The following TMEM266 variants were observed in gnomAD, a reference collection of about 807,000 sequenced individuals.
The protein encoded by TMEM266 is transmembrane protein 266.
TMEM266 carries 33 observed loss-of-function variants against 50.5 expected under a neutral mutation model. The observed-to-expected ratio is 0.65, with a 90% confidence interval of 0.50 to 0.87. The LOEUF (loss-of-function observed/expected upper bound fraction) is 0.87, where lower values mean the gene tolerates loss of function less well. TMEM266 is among the 40% of genes least tolerant of loss of function. TMEM266 has a pLI of 0.00. For missense variants in TMEM266, 655 were observed against 695.1 expected, an observed-to-expected ratio of 0.94 and a Z score of 0.65; for synonymous variants, 310 against 292.3, an observed-to-expected ratio of 1.06 and a Z score of -0.62.
intron 8 of TMEM266, among the ~76,000 whole-genome samples, chr15:76,190,003 G>A (rs2038543676): frequency 6.6e-6 from 1 of 152,196 alleles, no homozygotes. Context: ...GTTGCTGCCT[G>A]GCCACCCTGT....
intron 1 of TMEM266, among the ~76,000 whole-genome samples, chr15:76,108,098 A>G (rs1435762175): frequency 6.6e-6 from 1 of 152,234 alleles, no homozygotes; most frequent in African/African-American, 2.4e-5. Context: ...CTGCACAAAC[A>G]AGCAAAGCTC....
intron 8 of TMEM266, among the ~76,000 whole-genome samples, chr15:76,189,598 G>A (rs1416339762): frequency 6.6e-6 from 1 of 152,194 alleles, no homozygotes; most frequent in African/African-American, 2.4e-5. Context: ...TGGGAGGAAG[G>A]GGGTGTAGTG....
chr15:76,194,757 A>G (rs1005879873), intron 9 of TMEM266, among the ~76,000 whole-genome samples: 12 of 152,152 alleles, frequency 7.9e-5, no homozygotes, highest in Non-Finnish European at 1.5e-4. Context: ...CTCTCTATGC[A>G]CATGTCTGGG....
At position 76,073,384 on chromosome 15, in the gene TMEM266, C is replaced by T. The variant is rs147812210; in HGVS notation, c.-97+13368C>T. Among the ~76,000 whole-genome samples, 315 of 151,564 alleles carry T rather than the reference C, an allele frequency of 2.1e-3. 3 individuals are homozygous for T. Among genetic ancestry groups the T allele is most frequent in the African/African-American group, 6.7e-3 (276 of 41,260 alleles). On this transcript the variant is annotated intron_variant, in intron 1 of 10. Transcript: ENST00000388942. Reference sequence around the variant, plus strand: ...AGTAGCTGGGATTACAGGTACCCGCCACCATGCCTGGCTAATTTTTGTATT... The same window carrying T: ...AGTAGCTGGGATTACAGGTACCCGCTACCATGCCTGGCTAATTTTTGTATT...
intron 1 of TMEM266, among the ~76,000 whole-genome samples, chr15:76,061,967 T>C (rs920146657): frequency 1.3e-5 from 2 of 152,214 alleles, no homozygotes; most frequent in African/African-American, 2.4e-5. Context: ...TCTATGATTG[T>C]AGCAATTATG....
At chr15:76,066,649 A>G (rs1417357644) in intron 1 of TMEM266, among the ~76,000 whole-genome samples, 1 of 151,970 alleles carries the variant, frequency 6.6e-6, no homozygotes. Flanking sequence ...TTAAAAAAAA[A>G]AAAAAAAATT....
chr15:76,202,270 T>TG lies in TMEM266; in HGVS notation c.1021+6_1021+7insG. 1 of 1,612,796 alleles carries TG rather than the reference T, an allele frequency of 6.2e-7. No individual in the cohort carries two copies. Among genetic ancestry groups the TG allele is most frequent in the Non-Finnish European group, 8.5e-7 (1 of 1,179,130 alleles). ...TTACAATGGGCCCAGCAGTGGTAAGTCTGGGTTGGGGCTGTTCTACATGTG... is the reference window on the plus strand; with the variant it reads ...TTACAATGGGCCCAGCAGTGGTAAGTGCTGGGTTGGGGCTGTTCTACATGTG... On this transcript the variant is annotated splice_region_variant and intron_variant, in intron 10 of 10. Coordinates refer to ENST00000388942, the MANE Select transcript of TMEM266 (RefSeq NM_152335.3).
At chr15:76,114,872 T>C (rs371706053) in intron 1 of TMEM266, among the ~76,000 whole-genome samples, 5 of 152,250 alleles carry the variant, frequency 3.3e-5, no homozygotes, top group Admixed American at 6.5e-5. Context: ...TTTTTATCCA[T>C]TCTATTTCTT....
At chr15:76,155,588 G>C (rs946460470) in intron 3 of TMEM266, among the ~76,000 whole-genome samples, 1 of 152,168 alleles carries the variant, frequency 6.6e-6, no homozygotes, top group Non-Finnish European at 1.5e-5. Flanking sequence ...AGTTTGGGAA[G>C]CCCTGATTCT....
At chr15:76,094,846 G>T (rs939214853) in intron 1 of TMEM266, among the ~76,000 whole-genome samples, 17 of 151,982 alleles carry the variant, frequency 1.1e-4, no homozygotes, top group African/African-American at 3.9e-4. Context: ...CTTGTAAGTT[G>T]TATTCCTAGG....
chr15:76,180,401 C>T (rs986227292), intron 8 of TMEM266, among the ~76,000 whole-genome samples: 2 of 151,902 alleles, frequency 1.3e-5, no homozygotes, highest in Non-Finnish European at 2.9e-5. Flanking sequence ...TGTTGGGATT[C>T]GTCTGATGTT....
At chr15:76,141,537 C>G (rs2037678244) in intron 3 of TMEM266, among the ~76,000 whole-genome samples, 1 of 152,110 alleles carries the variant, frequency 6.6e-6, no homozygotes, top group African/African-American at 2.4e-5. Context: ...CAGTGCCTAG[C>G]CTCAGTGTAC....
At chr15:76,164,231 G>T (rs1166485102) in intron 5 of TMEM266, among the ~76,000 whole-genome samples, 1 of 152,014 alleles carries the variant, frequency 6.6e-6, no homozygotes, top group African/African-American at 2.4e-5. Flanking sequence ...TTCGAGACAG[G>T]GTCTCACTCT....
At chr15:76,199,419 G>C (rs2038705056) in intron 9 of TMEM266, among the ~76,000 whole-genome samples, 1 of 152,232 alleles carries the variant, frequency 6.6e-6, no homozygotes, top group Admixed American at 6.5e-5. Flanking sequence ...CCAGCAGGCT[G>C]ACCCTCTGGG....
At chr15:76,129,997 G>A (rs2037481565) in intron 1 of TMEM266, among the ~76,000 whole-genome samples, 1 of 150,736 alleles carries the variant, frequency 6.6e-6, no homozygotes, top group Non-Finnish European at 1.5e-5. Flanking sequence ...GCCAAGGCGG[G>A]AAGATTGCTT....
At chr15:76,201,088 A>G (rs2038739286) in intron 9 of TMEM266, among the ~76,000 whole-genome samples, 1 of 152,056 alleles carries the variant, frequency 6.6e-6, no homozygotes, top group African/African-American at 2.4e-5. Context: ...GAGCACTTCC[A>G]GACTTCCACG....
At chr15:76,092,804 CTTT>C (rs35632529) in intron 1 of TMEM266, among the ~76,000 whole-genome samples, 2 of 118,624 alleles carry the variant, frequency 1.7e-5, no homozygotes, top group Admixed American at 8.7e-5. Flanking sequence ...GAGTTAGGTG[CTTT>C]TTTTTTTTTT....
chr15:76,090,745 T>C (rs189765424), intron 1 of TMEM266, among the ~76,000 whole-genome samples: 3 of 152,176 alleles, frequency 2.0e-5, no homozygotes, highest in African/African-American at 7.2e-5. Context: ...GAATTGTGAC[T>C]ATTAGAAGCT....
At chr15:76,155,011 T>C (rs2037904159) in intron 3 of TMEM266, among the ~76,000 whole-genome samples, 1 of 152,250 alleles carries the variant, frequency 6.6e-6, no homozygotes, top group South Asian at 2.1e-4. Context: ...GTCGTCATCA[T>C]CACCAATCCA....
Sources: allele counts gnomAD v4.1 joint callset (sites outside exome capture counted in the v4.1 genomes callset), GRCh38; gene constraint gnomAD v4.1.1; transcripts MANE v1.5; gene names NCBI Gene and HGNC (gene_info 2026-07-23, HGNC 2026-07-21).